The following SLC35D1 variants were observed in gnomAD, a reference collection of about 807,000 sequenced individuals.
SLC35D1 encodes the protein solute carrier family 35 member D1, also known as nucleotide sugar transporter SLC35D1.
A neutral mutation model predicts 46.7 loss-of-function variants in SLC35D1; 31 were observed. That is an observed-to-expected ratio of 0.66 (90% confidence interval 0.50 to 0.90). SLC35D1 has a LOEUF of 0.90. Ranked by LOEUF, SLC35D1 falls within the 40% of genes least tolerant of loss-of-function variation. The pLI is 0.00. For synonymous variants in SLC35D1, 195 were observed against 164.6 expected, an observed-to-expected ratio of 1.18 and a Z score of -1.41; for missense variants, 397 against 426.2, an observed-to-expected ratio of 0.93 and a Z score of 0.60.
chr1:66,988,368 A>G, the SLC35D1 span: 1 of 152,370 alleles, frequency 6.6e-6, no homozygotes, highest in Non-Finnish European at 1.5e-5. Flanking sequence ...GCAGAATCTT[A>G]AAGGGTTTTC....
chr1:66,996,041 G>A (rs967983259), downstream of SLC35D1, among the ~76,000 whole-genome samples: 4 of 152,220 alleles, frequency 2.6e-5, no homozygotes, highest in Admixed American at 1.3e-4. Context: ...TTTCTCATGT[G>A]AGTGAAGTTG....
the SLC35D1 span, among the ~76,000 whole-genome samples, chr1:66,990,010 T>C: frequency 1.3e-5 from 2 of 152,230 alleles, no homozygotes. Context: ...TAGGAGCTAA[T>C]AGTGGTGCCA....
intron 11 of SLC35D1, among the ~76,000 whole-genome samples, chr1:67,007,363 G>A (rs1667472800): frequency 1.3e-5 from 2 of 152,208 alleles, no homozygotes; most frequent in South Asian, 4.2e-4. Flanking sequence ...TCTCATTCAT[G>A]AGGATGCCAA....
chr1:67,046,029 T>C (rs1267922666), intron 7 of SLC35D1, among the ~76,000 whole-genome samples: 4 of 152,164 alleles, frequency 2.6e-5, no homozygotes, highest in Admixed American at 2.6e-4. Flanking sequence ...TAGCTTCCAT[T>C]AAAATGTAAC....
chr1:66,990,692 G>A, the SLC35D1 span, among the ~76,000 whole-genome samples: 16 of 152,130 alleles, frequency 1.1e-4, no homozygotes, highest in Admixed American at 6.5e-4. Context: ...ATCTATTTTC[G>A]TGTATATGTA....
chr1:66,981,753 A>T, the SLC35D1 span: 2 of 1,543,648 alleles, frequency 1.3e-6, no homozygotes, highest in Admixed American at 4.0e-5. Context: ...TCTTTTTAAT[A>T]TAAAAATTGT....
At chr1:66,984,601 T>C in the SLC35D1 span, 6 of 1,606,862 alleles carry the variant, frequency 3.7e-6, no homozygotes, top group South Asian at 1.1e-5. Context: ...AGGTGAAATA[T>C]TAAACAAAGA....
chr1:67,024,064 C>T (rs1013553965), intron 8 of SLC35D1, among the ~76,000 whole-genome samples: 4 of 151,858 alleles, frequency 2.6e-5, no homozygotes, highest in African/African-American at 9.7e-5. Flanking sequence ...CCTGCCTCAG[C>T]CTTCCAACTA....
At position 67,052,197 on chromosome 1, in the gene SLC35D1, A is replaced by G. The variant is rs1175553299; in HGVS notation, c.325-118T>C. On this transcript the variant is annotated intron_variant, in intron 3 of 11. Transcript: ENST00000235345. ...AAATTTTTTCCACTTAAAACGTAAA[A>G]TTAGTTATCATACACAATTTTGACA... 1.1e-5 allele frequency: 8 copies of G among 730,388 alleles called. No homozygotes were observed. In the African/African-American group the frequency reaches 1.4e-4, roughly 13 times the overall value. 45.2% of individuals were successfully genotyped at this position (730,388 alleles called of 1,614,324 possible). A position where few individuals can be genotyped will look rare whatever the true frequency, so the allele number is the denominator to read the frequency against.
At chr1:67,015,270 T>C (rs1289320347) in intron 10 of SLC35D1, among the ~76,000 whole-genome samples, 3 of 151,722 alleles carry the variant, frequency 2.0e-5, no homozygotes, top group East Asian at 3.9e-4. Flanking sequence ...TAAGAGGCTA[T>C]TTAAAAACGT....
chr1:67,025,180 G>A (rs890633060), intron 8 of SLC35D1, among the ~76,000 whole-genome samples: 1 of 152,124 alleles, frequency 6.6e-6, no homozygotes, highest in Non-Finnish European at 1.5e-5. Flanking sequence ...AGGTACTAAG[G>A]ATTAGGACTT....
chr1:67,032,154 G>T, intron 8 of SLC35D1: 1 of 931,180 alleles, frequency 1.1e-6, no homozygotes. Context: ...CTTTCCTTCT[G>T]TTTTGAATAA....
chr1:67,053,850 A>G lies in SLC35D1; in HGVS notation c.164T>C (p.Leu55Pro), dbSNP rs2102383999. The G allele has an allele frequency of 1.9e-6, 3 of 1,613,280 alleles. No homozygotes were observed. In the East Asian group the frequency reaches 6.7e-5, roughly 36 times the overall value. ...CACGCTCTTATTCACCACCACGATC[A>G]GGAAGGAGCTCACGCCGTAAAAGCC... Reference protein sequence around the residue: ...AAGFYGVSSFLIVVVNKSVLT... With the variant: ...AAGFYGVSSFPIVVVNKSVLT... Residue 55 changes from leucine (L) to proline (P), a missense_variant, in exon 1 of 12, where the codon CTG (leucine) becomes CCG (proline). Leu to Pro is a moderately conservative substitution (Grantham distance 98, BLOSUM62 -3). Transcript: ENST00000235345.
intron 8 of SLC35D1, among the ~76,000 whole-genome samples, chr1:67,027,011 T>C (rs193168330): frequency 3.8e-4 from 58 of 152,304 alleles, no homozygotes; most frequent in South Asian, 1.2e-3. Context: ...ATATGGGAAC[T>C]ACAATTCAAG....
At chr1:67,013,339 G>A (rs1232702943) in intron 10 of SLC35D1, among the ~76,000 whole-genome samples, 3 of 151,098 alleles carry the variant, frequency 2.0e-5, no homozygotes, top group Non-Finnish European at 2.9e-5. Flanking sequence ...TTGAGCCCAG[G>A]AGTTCAAGAC....
chr1:67,013,849 T>G (rs1667626460), intron 10 of SLC35D1, among the ~76,000 whole-genome samples: 1 of 152,232 alleles, frequency 6.6e-6, no homozygotes. Context: ...ACTTGTTTCT[T>G]TGTGAGTTTA....
rs1645347444 is a variant in SLC35D1, at chr1:67,054,129, G to C, written c.-116C>G. The C allele has an allele frequency of 9.6e-7, 1 of 1,040,050 alleles. No homozygotes were observed. Among genetic ancestry groups the C allele is most frequent in the Non-Finnish European group, 1.4e-6 (1 of 735,640 alleles). 64.4% of individuals were successfully genotyped at this position (1,040,050 alleles called of 1,614,324 possible). A position where few individuals can be genotyped will look rare whatever the true frequency, so the allele number is the denominator to read the frequency against. ...CGCAGACTAGGCCAGCTGCGCGCTC[G>C]CCGCCTCGACTCCCCGCTTGGCCGC... is the stretch of plus-strand genomic sequence containing the variant. On this transcript the variant is annotated 5_prime_UTR_variant, in exon 1 of 12. Transcript: ENST00000235345.
chr1:66,974,379 AAAG>A, the SLC35D1 span, among the ~76,000 whole-genome samples: 2 of 152,140 alleles, frequency 1.3e-5, no homozygotes, highest in Non-Finnish European at 2.9e-5. Context: ...AAAAAAGAAA[AAAG>A]TTCGTTGTTT....
chr1:66,988,442 T>C, the SLC35D1 span: 2 of 152,366 alleles, frequency 1.3e-5, no homozygotes, highest in African/African-American at 4.8e-5. Context: ...TAACCTTTCT[T>C]TTCTAATACC....
Sources: allele counts gnomAD v4.1 joint callset (sites outside exome capture counted in the v4.1 genomes callset), GRCh38; gene constraint gnomAD v4.1.1; transcripts MANE v1.5; gene names NCBI Gene and HGNC (gene_info 2026-07-23, HGNC 2026-07-21).